ABLIM1: variants seen among roughly 807,000 people sequenced by gnomAD.
ABLIM1 encodes actin-binding LIM protein 1.
A neutral mutation model predicts 107.0 loss-of-function variants in ABLIM1; 40 were observed. That is an observed-to-expected ratio of 0.37 (90% CI 0.29 to 0.49). The LOEUF is 0.49. Among genes scored for constraint, ABLIM1 ranks in the 20% least tolerant of loss-of-function variants. The pLI is 0.97. For synonymous variants in ABLIM1, 357 were observed against 357.3 expected (o/e 1.00, Z 0.01); for missense variants, 857 against 1,008.5 (o/e 0.85, Z 2.04).
chr10:114,667,826 C>T (rs1314115994), intron 1 of ABLIM1, among the ~76,000 whole-genome samples: 1 of 152,158 alleles, frequency 6.6e-6, no homozygotes, highest in Non-Finnish European at 1.5e-5. Flanking sequence ...ATCCATATTC[C>T]CCCATTGAGT....
intron 1 of ABLIM1, among the ~76,000 whole-genome samples, chr10:114,703,996 T>C (rs981740474): frequency 3.9e-5 from 6 of 152,144 alleles, no homozygotes; most frequent in South Asian, 2.1e-4. Flanking sequence ...GGAAATAATA[T>C]GCAAAGTGTA....
chr10:114,739,883 G>A (rs868464069), intron 1 of ABLIM1, among the ~76,000 whole-genome samples: 2 of 152,036 alleles, frequency 1.3e-5, no homozygotes, highest in Admixed American at 6.6e-5. Flanking sequence ...GCTCAACCAA[G>A]CTCTTTTCTT....
At chr10:114,749,975 T>C (rs2082475821) in intron 1 of ABLIM1, among the ~76,000 whole-genome samples, 1 of 152,248 alleles carries the variant, frequency 6.6e-6, no homozygotes, top group Non-Finnish European at 1.5e-5. Flanking sequence ...TGATATGCTA[T>C]GTATTTTACC....
At chr10:114,636,110 C>T (rs949965265) in intron 1 of ABLIM1, among the ~76,000 whole-genome samples, 1 of 152,090 alleles carries the variant, frequency 6.6e-6, no homozygotes, top group African/African-American at 2.4e-5. Flanking sequence ...GGAGTAGGCA[C>T]GGGGTGCAGG....
In ABLIM1 at chr10:114,446,129, T is replaced by C. The variant is rs74564643; in HGVS notation, c.1736-726A>G. On this transcript the variant is annotated intron_variant, in intron 15 of 22. Coordinates refer to ENST00000533213, the MANE Select transcript of ABLIM1 (RefSeq NM_002313.7). ...TCTACATACCAACAGATAGGTAAGATAGTCATTGTTTTGTGACATGCGTTT... is the reference window on the plus strand; with the variant it reads ...TCTACATACCAACAGATAGGTAAGACAGTCATTGTTTTGTGACATGCGTTT... Among the ~76,000 whole-genome samples the C allele has an allele frequency of 2.1e-3, 324 of 152,366 alleles. 5 individuals are homozygous for C. Among genetic ancestry groups the C allele is most frequent in the Middle Eastern group, 6.8e-3 (2 of 294 alleles).
chr10:114,763,424 G>C (rs1243065309), intron 1 of ABLIM1, among the ~76,000 whole-genome samples: 2 of 149,984 alleles, frequency 1.3e-5, no homozygotes, highest in Non-Finnish European at 3.0e-5. Flanking sequence ...TTTTGAGACT[G>C]TTGACCAGGC....
At chr10:114,508,027 G>A (rs1454443651) in intron 6 of ABLIM1, among the ~76,000 whole-genome samples, 3 of 152,206 alleles carry the variant, frequency 2.0e-5, no homozygotes, top group Admixed American at 6.5e-5. Flanking sequence ...GAAATGCTGG[G>A]GTACCTCTTG....
chr10:114,632,856 G>T, intron 1 of ABLIM1: 6 of 916,204 alleles, frequency 6.5e-6, no homozygotes, highest in Non-Finnish European at 7.8e-6. Context: ...TCCACCACCA[G>T]GATCAGCCTA....
At chr10:114,760,608 C>T (rs1310928818) in intron 1 of ABLIM1, among the ~76,000 whole-genome samples, 1 of 152,186 alleles carries the variant, frequency 6.6e-6, no homozygotes, top group East Asian at 1.9e-4. Flanking sequence ...TAGACCACAG[C>T]AGGTCCTGAT....
At chr10:114,613,668 C>T in intron 1 of ABLIM1, 1 of 1,325,764 alleles carries the variant, frequency 7.5e-7, no homozygotes, top group Non-Finnish European at 1.0e-6. Flanking sequence ...TGGGTCTCTC[C>T]AGTGTCTGCA....
At chr10:114,655,237 A>AG (rs2079446193) in intron 1 of ABLIM1, among the ~76,000 whole-genome samples, 1 of 152,198 alleles carries the variant, frequency 6.6e-6, no homozygotes. Context: ...AATCTCCCAG[A>AG]TTTCCTTATC....
At chr10:114,783,702 G>A in the ABLIM1 span, among the ~76,000 whole-genome samples, 6 of 151,864 alleles carry the variant, frequency 4.0e-5, no homozygotes, top group Non-Finnish European at 5.9e-5. Context: ...GCAGGTAAAT[G>A]TTTAGTATGT....
At chr10:114,439,861 A>G (rs1156626882) in intron 20 of ABLIM1, 3 of 662,516 alleles carry the variant, frequency 4.5e-6, no homozygotes, top group East Asian at 5.6e-5. Flanking sequence ...GAGACCCCCT[A>G]CACCTGGCCT....
chr10:114,571,170 A>T, intron 4 of ABLIM1, 127 bp downstream of exon 4: 1 of 745,808 alleles, frequency 1.3e-6, no homozygotes, highest in Non-Finnish European at 2.3e-6. Context: ...CTTTGGAGAA[A>T]TATCTATTCA....
intron 1 of ABLIM1, among the ~76,000 whole-genome samples, chr10:114,612,697 T>C (rs2076890791): frequency 6.6e-6 from 1 of 152,356 alleles, no homozygotes; most frequent in Non-Finnish European, 1.5e-5. Context: ...AAATGGGCAT[T>C]GGCTTCAGTC....
intron 1 of ABLIM1, among the ~76,000 whole-genome samples, chr10:114,730,936 C>G (rs2082060157): frequency 1.3e-5 from 2 of 152,106 alleles, no homozygotes; most frequent in South Asian, 4.1e-4. Flanking sequence ...GTGCTGGTCT[C>G]TTTCACTTAG....
chr10:114,686,536 A>T (rs1250259312), upstream of ABLIM1, among the ~76,000 whole-genome samples: 1 of 151,366 alleles, frequency 6.6e-6, no homozygotes, highest in Non-Finnish European at 1.5e-5. Flanking sequence ...AAAACAAAAG[A>T]GGTGAAACCA....
chr10:114,737,101 A>T (rs35736355), intron 1 of ABLIM1, among the ~76,000 whole-genome samples: 52,378 of 150,028 alleles, frequency 0.35, 10,119 homozygotes, highest in Non-Finnish European at 0.46. Flanking sequence ...AGGCAGGCAG[A>T]TCACTTGAGG....
chr10:114,549,929 T>C (rs2067839127), intron 4 of ABLIM1, among the ~76,000 whole-genome samples: 1 of 152,198 alleles, frequency 6.6e-6, no homozygotes, highest in South Asian at 2.1e-4. Flanking sequence ...AGTCCCAGAA[T>C]AGAACATTTC....
Sources: allele counts gnomAD v4.1 joint callset (sites outside exome capture counted in the v4.1 genomes callset), GRCh38; gene constraint gnomAD v4.1.1; transcripts MANE v1.5; gene names NCBI Gene and HGNC (gene_info 2026-07-23, HGNC 2026-07-21).